HEPH: variants seen among roughly 807,000 people sequenced by gnomAD.
HEPH encodes the protein hephaestin.
Under a neutral mutation model 80.8 loss-of-function variants are expected in HEPH, and 69 were observed. That is an observed-to-expected ratio of 0.85 (90% CI 0.70 to 1.04). HEPH has a LOEUF of 1.04. Among genes scored for constraint, HEPH ranks in the 50% least tolerant of loss-of-function variants. The probability of loss-of-function intolerance (pLI) is 0.00; values close to 1 mark genes in which losing one functional copy is unlikely to be tolerated. For missense variants in HEPH, 1,115 were observed against 891.3 expected (o/e 1.25, Z -3.20); for synonymous variants, 431 against 322.8 (o/e 1.34, Z -3.60).
chrX:66,260,375 G>T, intron 19 of HEPH, 113 bp downstream of exon 19: 5 of 584,100 alleles, frequency 8.6e-6, no homozygotes, highest in Non-Finnish European at 1.3e-5. Context: ...ACAATAAGCA[G>T]GTCTTAAGGC....
chrX:66,173,957 G>A (rs929495699), intron 4 of HEPH, among the ~76,000 whole-genome samples, 156 bp downstream of exon 4: 1 of 86,284 alleles, frequency 1.2e-5, no homozygotes, highest in Non-Finnish European at 2.1e-5. Flanking sequence ...AACTCACTTT[G>A]CACTATTTTT....
intron 15 of HEPH, among the ~76,000 whole-genome samples, chrX:66,232,735 T>G (rs2090201385): frequency 9.0e-6 from 1 of 111,319 alleles, no homozygotes; most frequent in African/African-American, 3.3e-5. Flanking sequence ...TTAAAATATA[T>G]AAAAAATACA....
intron 15 of HEPH, among the ~76,000 whole-genome samples, chrX:66,221,980 A>G (rs1201967481): frequency 8.9e-6 from 1 of 112,457 alleles, no homozygotes; most frequent in East Asian, 2.8e-4. Context: ...ATGAAATGCC[A>G]GGGTGAAAGG....
chrX:66,172,507 T>TG lies in HEPH; in HGVS notation c.325dup (p.Asp109GlyfsTer29). 1 of 1,210,214 alleles carries TG rather than the reference T, an allele frequency of 8.3e-7. No individual in the cohort carries two copies. On this transcript the variant is annotated frameshift_variant, in exon 3 of 21. Transcript: ENST00000343002. LOFTEE classifies it high-confidence loss of function. ...CTGGGGCCAGTGTTGCAGGCTGAAG[T>TG]GGGGGATGTCATTCTTATTCACCTG...
At chrX:66,243,896 A>G (rs1490959048) in intron 15 of HEPH, among the ~76,000 whole-genome samples, 2 of 112,155 alleles carry the variant, frequency 1.8e-5, no homozygotes, top group Non-Finnish European at 3.8e-5. Context: ...CCTGCCTGAA[A>G]AGGATCTTAG....
At chrX:66,199,428 G>T (rs180671671) in intron 11 of HEPH, among the ~76,000 whole-genome samples, 11 of 108,223 alleles carry the variant, frequency 1.0e-4, no homozygotes, top group African/African-American at 3.4e-4. Context: ...TCATGCTTTT[G>T]CAGTGCTGTT....
chrX:66,232,700 A>G (rs1195275011), intron 15 of HEPH, among the ~76,000 whole-genome samples: 1 of 110,916 alleles, frequency 9.0e-6, no homozygotes, highest in Non-Finnish European at 1.9e-5. Context: ...AAGCTCTCCT[A>G]TGTATCAATG....
chrX:66,266,551 T>C lies in HEPH; in HGVS notation c.3356T>C (p.Leu1119Pro). ...ASVLVAISVTLLLVVLALGGV... is the reference protein window; with the variant it reads ...ASVLVAISVTPLLVVLALGGV... Reference sequence around the variant, plus strand: ...GTTTTGGTTGCCATTAGTGTCACCCTTCTGCTCGTTGTTCTGGCTCTTGGT... The same window carrying C: ...GTTTTGGTTGCCATTAGTGTCACCCCTCTGCTCGTTGTTCTGGCTCTTGGT... Residue 1119 changes from leucine (L) to proline (P), a missense_variant, in exon 21 of 21, where the codon CTT (leucine) becomes CCT (proline). Around this residue, in one of 3 missense-constraint regions of HEPH, gnomAD observed 716 missense variants for 523.5 expected, o/e 1.37. Coordinates refer to ENST00000343002, the MANE Select transcript of HEPH (RefSeq NM_001367233.3). The C allele has an allele frequency of 8.3e-7, 1 of 1,210,089 alleles. No individual in the cohort carries two copies. Among genetic ancestry groups the C allele is most frequent in the South Asian group, 1.8e-5 (1 of 56,844 alleles).
intron 6 of HEPH, among the ~76,000 whole-genome samples, chrX:66,191,638 A>G (rs998771185): frequency 1.8e-5 from 2 of 112,146 alleles, no homozygotes; most frequent in Non-Finnish European, 3.8e-5. Context: ...TCACTGATAG[A>G]AGATGTTCTA....
chrX:66,262,255 G>A (rs181966085), intron 19 of HEPH, among the ~76,000 whole-genome samples: 45 of 112,163 alleles, frequency 4.0e-4, no homozygotes, highest in Non-Finnish European at 4.5e-4. Flanking sequence ...GAGAATCAGA[G>A]CTAACATGAA....
chrX:66,196,362 T>C (rs968725054), intron 9 of HEPH, among the ~76,000 whole-genome samples: 3 of 111,593 alleles, frequency 2.7e-5, no homozygotes, highest in Non-Finnish European at 5.7e-5. Context: ...GGTGATAGGT[T>C]GATCATTGCA....
chrX:66,206,339 CTTTTTTTTTTTTTTTTTTTTTTTTT>C (rs760184190), intron 13 of HEPH, among the ~76,000 whole-genome samples: 54 of 14,082 alleles, frequency 3.8e-3, no homozygotes, highest in African/African-American at 6.7e-3. Flanking sequence ...AACCTGCCAT[CTTTTTTTTTTTTTTTTTTTTTTTTT>C]TTTTTTTTTT....
intron 15 of HEPH, among the ~76,000 whole-genome samples, chrX:66,251,653 G>A (rs1224810516): frequency 3.6e-5 from 4 of 111,129 alleles, no homozygotes; most frequent in Non-Finnish European, 7.5e-5. Context: ...ATTATATTTA[G>A]GCTGATATTT....
downstream of HEPH, chrX:66,267,414 G>C (rs2091569210): frequency 8.9e-6 from 1 of 112,124 alleles, no homozygotes; most frequent in Admixed American, 9.4e-5. Flanking sequence ...ATTTTTGACA[G>C]TCTCTGTGGC....
At chrX:66,164,930 G>C (rs1410193422) in intron 1 of HEPH, among the ~76,000 whole-genome samples, 3 of 112,206 alleles carry the variant, frequency 2.7e-5, no homozygotes, top group Non-Finnish European at 5.6e-5. Flanking sequence ...AGTAGTCTTA[G>C]TTTCTACATA....
intron 4 of HEPH, among the ~76,000 whole-genome samples, chrX:66,180,944 G>A (rs1161267848): frequency 1.7e-4 from 17 of 99,733 alleles, no homozygotes; most frequent in East Asian, 3.2e-4. Context: ...GAGAATATGC[G>A]GTATTTGGTT....
intron 4 of HEPH, among the ~76,000 whole-genome samples, chrX:66,180,936 G>A (rs768852300): frequency 1.0e-5 from 1 of 99,316 alleles, no homozygotes; most frequent in Non-Finnish European, 2.0e-5. Context: ...CTATGAGTGA[G>A]AATATGCGGT....
chrX:66,241,529 A>T, intron 15 of HEPH, among the ~76,000 whole-genome samples: 1 of 111,639 alleles, frequency 9.0e-6, no homozygotes, highest in East Asian at 2.8e-4. Context: ...CTATATAATG[A>T]TAAAGGGTTT....
intron 15 of HEPH, among the ~76,000 whole-genome samples, chrX:66,235,490 CT>C (rs34819553): frequency 0.27 from 30,198 of 110,305 alleles, 3,959 homozygotes; most frequent in African/African-American, 0.51. Flanking sequence ...TCATTTTTAG[CT>C]TTGTTGAAGA....
Sources: gnomAD v4.1 joint callset for allele counts (sites outside exome capture counted in the v4.1 genomes callset) on GRCh38, gnomAD v4.1.1 for gene constraint, gnomAD v4.1.1 regional missense constraint, MANE v1.5 for transcripts, NCBI Gene and HGNC (gene_info 2026-07-23, HGNC 2026-07-21) for gene names.